The following HPSE2 variants were observed in gnomAD, a reference collection of about 807,000 sequenced individuals.
The protein encoded by HPSE2 is inactive heparanase-2.
Under a neutral mutation model 60.5 loss-of-function variants are expected in HPSE2, and 38 were observed. The observed-to-expected ratio is 0.63, with a 90% CI of 0.48 to 0.82. HPSE2 has a LOEUF of 0.82. HPSE2 is among the 40% of genes least tolerant of loss of function. The pLI is 0.00. For missense variants in HPSE2, 713 were observed against 740.4 expected (o/e 0.96, Z 0.43); for synonymous variants, 295 against 293.2 (o/e 1.01, Z -0.06).
At chr10:98,461,696 T>C (rs1940296502) in intron 11 of HPSE2, 1 of 1,152,324 alleles carries the variant, frequency 8.7e-7, no homozygotes. Flanking sequence ...TTATATCAGG[T>C]CTCTGCTAGA....
At chr10:98,829,771 T>A (rs1213839943) in intron 3 of HPSE2, among the ~76,000 whole-genome samples, 1 of 152,240 alleles carries the variant, frequency 6.6e-6, no homozygotes, top group East Asian at 1.9e-4. Flanking sequence ...ATTTTCAAAG[T>A]GATTTTTCAA....
chr10:98,820,096 C>T (rs565485704), intron 3 of HPSE2, among the ~76,000 whole-genome samples: 9 of 152,158 alleles, frequency 5.9e-5, no homozygotes, highest in South Asian at 4.2e-4. Flanking sequence ...TTTGTCTTCA[C>T]GTAGGAAAGT....
chr10:98,667,152 T>C (rs1431602869), intron 6 of HPSE2, among the ~76,000 whole-genome samples: 1 of 152,118 alleles, frequency 6.6e-6, no homozygotes, highest in African/African-American at 2.4e-5. Context: ...TGAACACCTC[T>C]ATGTACACAA....
intron 3 of HPSE2, among the ~76,000 whole-genome samples, chr10:98,901,312 A>G (rs980280252): frequency 6.6e-6 from 1 of 152,170 alleles, no homozygotes; most frequent in African/African-American, 2.4e-5. Flanking sequence ...AATTTGTTAA[A>G]CATTTACAAT....
At chr10:98,640,670 T>A (rs1946614693) in intron 7 of HPSE2, among the ~76,000 whole-genome samples, 1 of 152,194 alleles carries the variant, frequency 6.6e-6, no homozygotes, top group East Asian at 1.9e-4. Flanking sequence ...TCTGCAAAGA[T>A]TTGTTTAATC....
chr10:98,941,189 C>T (rs1365497096), intron 3 of HPSE2, among the ~76,000 whole-genome samples: 1 of 137,854 alleles, frequency 7.3e-6, no homozygotes, highest in Non-Finnish European at 1.5e-5. Context: ...GGGATGCCCT[C>T]TCTCACCACT....
intron 3 of HPSE2, among the ~76,000 whole-genome samples, chr10:98,769,624 T>C (rs1950199477): frequency 1.3e-5 from 2 of 152,138 alleles, no homozygotes; most frequent in African/African-American, 4.8e-5. Flanking sequence ...TGTAGAGATA[T>C]GGGGCCTCTC....
chr10:99,262,812 A>G, the HPSE2 span, among the ~76,000 whole-genome samples: 1 of 151,974 alleles, frequency 6.6e-6, no homozygotes, highest in Admixed American at 6.6e-5. Flanking sequence ...CTCCCTCCAC[A>G]ACCCATTATG....
chr10:99,306,205 G>A, the HPSE2 span, among the ~76,000 whole-genome samples: 1 of 152,068 alleles, frequency 6.6e-6, no homozygotes. Context: ...ATATGTTGGA[G>A]GATTTTCTAA....
rs10630273 is a variant in HPSE2 at position 99,235,101 on chromosome 10, T to TACACACACACACACAC, written c.290+396_290+411dup. ...CACACACACACTCTCCTGTCTCACA[T>TACACACACACACACAC]ACACACACACACACACACACACACA... On this transcript the variant is annotated intron_variant, in intron 1 of 11. Coordinates refer to ENST00000370552, the MANE Select transcript of HPSE2 (RefSeq NM_021828.5). Among the ~76,000 whole-genome samples the TACACACACACACACAC allele has an allele frequency of 4.1e-5, 6 of 147,598 alleles. No homozygotes were observed. In the South Asian group the frequency reaches 8.6e-4, roughly 21 times the overall value.
chr10:98,768,720 T>C (rs961895111), intron 3 of HPSE2, among the ~76,000 whole-genome samples: 2 of 152,212 alleles, frequency 1.3e-5, no homozygotes, highest in Non-Finnish European at 2.9e-5. Context: ...TTTAACTCTA[T>C]GGTACTTCAG....
chr10:98,926,650 C>G (rs1246922925), intron 3 of HPSE2, among the ~76,000 whole-genome samples: 1 of 152,114 alleles, frequency 6.6e-6, no homozygotes, highest in Non-Finnish European at 1.5e-5. Context: ...AACCTGTCTT[C>G]AAGGCACCAA....
intron 3 of HPSE2, among the ~76,000 whole-genome samples, chr10:98,781,721 A>G (rs1589817636): frequency 1.3e-5 from 2 of 151,590 alleles, no homozygotes; most frequent in East Asian, 3.9e-4. Flanking sequence ...AGAATGAACA[A>G]TCAGCTTTTA....
Position 98,466,307 on chromosome 10 carries a change from A to G in HPSE2, c.1614-6568T>C, listed in dbSNP as rs150770318. ...ATTTTGGGGCCTTGAGTGGGAGGTG[A>G]AGGGACTTAAAGAAAATTGGTTCTG... is the stretch of plus-strand genomic sequence containing the variant. On this transcript the variant is annotated intron_variant, in intron 11 of 11. Coordinates refer to ENST00000370552, the MANE Select transcript of HPSE2 (RefSeq NM_021828.5). Among the ~76,000 whole-genome samples, 72 of 152,132 alleles carry G rather than the reference A, an allele frequency of 4.7e-4. No individual in the cohort carries two copies. In the East Asian group the frequency reaches 0.014, roughly 29 times the overall value.
At chr10:98,805,276 CA>C (rs1025613651) in intron 3 of HPSE2, among the ~76,000 whole-genome samples, 6 of 149,670 alleles carry the variant, frequency 4.0e-5, no homozygotes, top group African/African-American at 9.8e-5. Context: ...TGATTTTTCA[CA>C]AAAAAAAATT....
chr10:99,166,047 A>G (rs1433265262), intron 2 of HPSE2, among the ~76,000 whole-genome samples: 1 of 152,210 alleles, frequency 6.6e-6, no homozygotes, highest in Non-Finnish European at 1.5e-5. Flanking sequence ...TGTCATAACA[A>G]TGGAATTATA....
chr10:98,986,380 T>A (rs1956350391), intron 3 of HPSE2, among the ~76,000 whole-genome samples: 1 of 151,334 alleles, frequency 6.6e-6, no homozygotes, highest in South Asian at 2.1e-4. Flanking sequence ...AACAACCTGC[T>A]CCTGAATGAC....
intron 2 of HPSE2, among the ~76,000 whole-genome samples, chr10:99,205,660 A>G (rs1848721861): frequency 6.6e-6 from 1 of 152,210 alleles, no homozygotes; most frequent in South Asian, 2.1e-4. Context: ...AAACCTACAC[A>G]AACACAAACT....
intron 9 of HPSE2, among the ~76,000 whole-genome samples, chr10:98,498,971 C>T (rs751735800): frequency 2.0e-5 from 3 of 152,024 alleles, no homozygotes; most frequent in Non-Finnish European, 4.4e-5. Context: ...AATAAGAAAA[C>T]ATGAACAAAG....
Sources: allele counts gnomAD v4.1 joint callset (sites outside exome capture counted in the v4.1 genomes callset), GRCh38; gene constraint gnomAD v4.1.1; transcripts MANE v1.5; gene names NCBI Gene and HGNC (gene_info 2026-07-23, HGNC 2026-07-21).